Variants in DSCAM observed in about 807,000 individuals in gnomAD.
The protein encoded by DSCAM is cell adhesion molecule DSCAM.
In DSCAM, 47 loss-of-function variants were observed where a neutral mutation model predicts 217.7. That is an observed-to-expected ratio of 0.22 (90% CI 0.17 to 0.28). DSCAM has a LOEUF of 0.28. Among genes scored for constraint, DSCAM ranks in the 10% least tolerant of loss-of-function variants. The pLI is 1.00. For missense variants in DSCAM, 2,080 were observed against 2,618.3 expected, an observed-to-expected ratio of 0.79 and a Z score of 4.49; for synonymous variants, 1,056 against 1,015.3, an observed-to-expected ratio of 1.04 and a Z score of -0.76.
chr21:40,740,915 C>G (rs1010524437), intron 1 of DSCAM, among the ~76,000 whole-genome samples: 2 of 152,202 alleles, frequency 1.3e-5, no homozygotes, highest in Non-Finnish European at 2.9e-5. Context: ...TATCCTCCAA[C>G]TCTAGGTTAG....
At chr21:40,828,287 A>T (rs917603386) in intron 1 of DSCAM, among the ~76,000 whole-genome samples, 3 of 152,218 alleles carry the variant, frequency 2.0e-5, no homozygotes, top group African/African-American at 7.2e-5. Flanking sequence ...CTTTAAGCAG[A>T]TGGGAGATGT....
chr21:40,475,695 G>T (rs1749633756), intron 3 of DSCAM, among the ~76,000 whole-genome samples: 1 of 152,258 alleles, frequency 6.6e-6, no homozygotes, highest in East Asian at 1.9e-4. Flanking sequence ...GCCGGGCTTG[G>T]TGGCATGCGC....
At chr21:40,493,897 C>CACAT (rs1555845606) in intron 3 of DSCAM, among the ~76,000 whole-genome samples, 2 of 137,634 alleles carry the variant, frequency 1.5e-5, no homozygotes, top group Non-Finnish European at 3.1e-5. Flanking sequence ...CATATATATA[C>CACAT]ATATATATAT....
At chr21:40,274,975 T>C (rs2123376848) in intron 11 of DSCAM, among the ~76,000 whole-genome samples, 1 of 151,976 alleles carries the variant, frequency 6.6e-6, no homozygotes, top group African/African-American at 2.4e-5. Context: ...TTCTAATAAA[T>C]CATATAGTAG....
Position 40,846,840 on chromosome 21 carries a change from C to A in DSCAM, c.-179G>T. 6.6e-6 allele frequency: 1 copy of A among 151,842 alleles called. No homozygotes were observed. The highest frequency in any genetic ancestry group is 2.0e-4 in the South Asian group (1 of 5,108). 9.4% of individuals were successfully genotyped at this position (151,842 alleles called of 1,614,324 possible). ...CACGCGGCGCGGCCGGGCTCCGGAG[C>A]GAGGGCTGCGCTCGCCGCGCGCTGC... is the stretch of plus-strand genomic sequence containing the variant. On this transcript the variant is annotated 5_prime_UTR_variant, in exon 1 of 33. Coordinates refer to ENST00000400454, the MANE Select transcript of DSCAM (RefSeq NM_001389.5).
intron 11 of DSCAM, among the ~76,000 whole-genome samples, chr21:40,247,146 C>T (rs1439331150): frequency 6.6e-6 from 1 of 152,162 alleles, no homozygotes; most frequent in Non-Finnish European, 1.5e-5. Flanking sequence ...AGCTAAGACC[C>T]TCCCACAACA....
At chr21:40,686,640 T>C (rs904953682) in intron 3 of DSCAM, among the ~76,000 whole-genome samples, 39 of 152,214 alleles carry the variant, frequency 2.6e-4, no homozygotes, top group Non-Finnish European at 5.0e-4. Context: ...TACTCCACAA[T>C]ACACAGTTTG....
At chr21:40,537,392 A>G (rs2076507470) in intron 3 of DSCAM, among the ~76,000 whole-genome samples, 1 of 152,158 alleles carries the variant, frequency 6.6e-6, no homozygotes, top group Non-Finnish European at 1.5e-5. Context: ...TTGAGTAACT[A>G]AACTCTGAGA....
intron 16 of DSCAM, among the ~76,000 whole-genome samples, chr21:40,149,191 T>G (rs1458304100): frequency 1.4e-5 from 2 of 139,798 alleles, no homozygotes; most frequent in African/African-American, 5.4e-5. Context: ...ACACCAACAT[T>G]GCCATCACCA....
chr21:40,632,021 G>A (rs1425503002), intron 3 of DSCAM, among the ~76,000 whole-genome samples: 1 of 152,208 alleles, frequency 6.6e-6, no homozygotes, highest in Non-Finnish European at 1.5e-5. Context: ...CTGTGAGAAG[G>A]TGCATTTGAA....
At chr21:40,101,819 A>C (rs1331007172) in intron 20 of DSCAM, among the ~76,000 whole-genome samples, 1 of 151,998 alleles carries the variant, frequency 6.6e-6, no homozygotes, top group Non-Finnish European at 1.5e-5. Flanking sequence ...TGCTGCCTTC[A>C]AAGTATGGAG....
At chr21:40,441,161 C>T (rs1383017292) in intron 3 of DSCAM, among the ~76,000 whole-genome samples, 1 of 152,126 alleles carries the variant, frequency 6.6e-6, no homozygotes, top group Non-Finnish European at 1.5e-5. Flanking sequence ...CAGATCTAGA[C>T]CCTAGAGCCC....
chr21:40,111,127 G>T (rs1364040197), intron 20 of DSCAM, among the ~76,000 whole-genome samples: 1 of 152,132 alleles, frequency 6.6e-6, no homozygotes, highest in African/African-American at 2.4e-5. Context: ...ATTCACCAAA[G>T]TTGAAATGAA....
chr21:40,030,685 C>T (rs917148346), intron 32 of DSCAM, among the ~76,000 whole-genome samples: 2 of 152,174 alleles, frequency 1.3e-5, no homozygotes, highest in African/African-American at 2.4e-5. Context: ...CACTCGATGT[C>T]GACCTAAATA....
At chr21:40,764,326 CAAAAA>C (rs143273195) in intron 1 of DSCAM, among the ~76,000 whole-genome samples, 25 of 126,038 alleles carry the variant, frequency 2.0e-4, no homozygotes, top group South Asian at 2.4e-4. Flanking sequence ...TTTATGCCGC[CAAAAA>C]AAAAAAAAAA....
In DSCAM at chr21:40,280,657, C is replaced by T. The variant is rs375182634; in HGVS notation, c.2183-4387G>A. Among the ~76,000 whole-genome samples, 10 of 152,190 alleles carry T rather than the reference C, an allele frequency of 6.6e-5. No homozygotes were observed. The South Asian group carries it at 2.1e-3, about 32-fold the overall frequency. ...ATTCAAACAGTAAAAAAGTAAATAC[C>T]TTCAGAGAGATTACGGACTTTCTAA... On this transcript the variant is annotated intron_variant, in intron 10 of 32. Transcript: ENST00000400454.
chr21:40,097,964 AAGAAAGAAAGAAAG>A (rs1568939078), intron 20 of DSCAM, among the ~76,000 whole-genome samples: 1,193 of 71,330 alleles, frequency 0.017, 230 homozygotes, highest in East Asian at 0.045. Context: ...AAAAGAAAGA[AAGAAAGAAAGAAAG>A]AAAGAAAGAA....
rs148012487 is a variant in DSCAM, at chr21:40,778,213, T to C, written c.43+68406A>G. Among the ~76,000 whole-genome samples, 150 of 152,058 alleles carry C rather than the reference T, an allele frequency of 9.9e-4. 1 individual carries two copies. Among genetic ancestry groups the C allele is most frequent in the African/African-American group, 3.4e-3 (143 of 41,482 alleles). ...TGGGATCCAAGTAAGAATGAACAAA[T>C]GAAATTATAAAACAGTAAGCAAATC... On this transcript the variant is annotated intron_variant, in intron 1 of 32. Transcript: ENST00000400454.
intron 1 of DSCAM, among the ~76,000 whole-genome samples, chr21:40,738,551 G>A (rs566678235): frequency 6.6e-6 from 1 of 152,262 alleles, no homozygotes; most frequent in East Asian, 1.9e-4. Flanking sequence ...AACAATTCAG[G>A]AACCTTGGTT....
Sources: allele counts gnomAD v4.1 joint callset (sites outside exome capture counted in the v4.1 genomes callset), GRCh38; gene constraint gnomAD v4.1.1; transcripts MANE v1.5; gene names NCBI Gene and HGNC (gene_info 2026-07-23, HGNC 2026-07-21).